The following TANC2 variants were observed in gnomAD, a reference collection of about 807,000 sequenced individuals.
TANC2 encodes the protein tetratricopeptide repeat, ankyrin repeat and coiled-coil containing 2.
A neutral mutation model predicts 210.5 loss-of-function variants in TANC2; 26 were observed. That is an observed-to-expected ratio of 0.12 (90% confidence interval 0.09 to 0.17). The LOEUF is 0.17. TANC2 is among the 10% of genes least tolerant of loss of function. TANC2 has a pLI of 1.00. For missense variants in TANC2, 2,129 were observed against 2,608.9 expected (o/e 0.82, Z 4.01); for synonymous variants, 931 against 967.1 (o/e 0.96, Z 0.69).
chr17:63,421,636 T>G lies in TANC2; in HGVS notation c.5906T>G (p.Leu1969Arg). The change falls in exon 28 of 28, where the codon CTG becomes CGG. Residue 1969 changes from leucine (L) to arginine (R), a missense_variant. Transcript: ENST00000689528. The surrounding 1 kb of genome is among the most constrained non-coding windows in gnomAD (Gnocchi z 6.9). ...CTCAGTCCCACGTCTCCAGGCAACC[T>G]GCCTCAGCCTGAGTCCTTCAGTCCA... 1 of 1,614,048 alleles carries G rather than the reference T, an allele frequency of 6.2e-7. No homozygotes were observed. Among genetic ancestry groups the G allele is most frequent in the East Asian group, 2.2e-5 (1 of 44,886 alleles).
At chr17:62,988,296 T>A (rs796995016) in intron 1 of TANC2, among the ~76,000 whole-genome samples, 1 of 27,334 alleles carries the variant, frequency 3.7e-5, no homozygotes, top group African/African-American at 8.9e-4. Flanking sequence ...CCTGGCTAAC[T>A]TTTTTTTTTT....
chr17:63,075,035 A>C (rs1335389488), intron 3 of TANC2, among the ~76,000 whole-genome samples: 1 of 152,188 alleles, frequency 6.6e-6, no homozygotes, highest in East Asian at 1.9e-4. Flanking sequence ...TGCAGATTAA[A>C]AAGAGGAATA....
At chr17:63,272,304 G>A (rs916210941) in intron 9 of TANC2, among the ~76,000 whole-genome samples, 12 of 151,976 alleles carry the variant, frequency 7.9e-5, no homozygotes, top group East Asian at 3.9e-4. Context: ...TATTATGTTC[G>A]GTTGGTCTAT....
At chr17:63,226,089 C>G (rs9890404) in intron 7 of TANC2, among the ~76,000 whole-genome samples, 4,315 of 152,244 alleles carry the variant, frequency 0.028, 60 homozygotes, top group South Asian at 0.038. Flanking sequence ...TCACAAATTA[C>G]TGTGTCACAA....
At chr17:63,091,052 GTTGT>G (rs1380784737) in intron 3 of TANC2, among the ~76,000 whole-genome samples, 34 of 150,492 alleles carry the variant, frequency 2.3e-4, no homozygotes, top group Admixed American at 7.2e-4. Context: ...TGTTGATGGG[GTTGT>G]TTGTTTTTTT....
chr17:63,288,147 A>G (rs1449192110), intron 9 of TANC2, among the ~76,000 whole-genome samples: 5 of 152,130 alleles, frequency 3.3e-5, no homozygotes, highest in African/African-American at 9.7e-5. Context: ...TCAAGGGTTA[A>G]TTTCCACAGA....
At chr17:63,172,325 GCGCCCGC>G (rs2040432417) in intron 5 of TANC2, among the ~76,000 whole-genome samples, 2 of 151,744 alleles carry the variant, frequency 1.3e-5, no homozygotes, top group African/African-American at 4.8e-5. Context: ...GGGATTACAG[GCGCCCGC>G]CACCATTCCC....
Position 63,161,952 on chromosome 17 carries a change from G to A in TANC2, c.433+10572G>A, listed in dbSNP as rs190288435. ...ACTTTGCATTGACACTATTAAAATT[G>A]CAACCTGCAGGTTACTGACAATCTT... On this transcript the variant is annotated intron_variant, in intron 5 of 27. Coordinates refer to ENST00000689528, the Ensembl canonical transcript of TANC2. Among the ~76,000 whole-genome samples the A allele has an allele frequency of 6.6e-5, 10 of 152,182 alleles. No homozygotes were observed. The East Asian group carries it at 1.9e-3, about 29-fold the overall frequency.
At chr17:63,061,810 C>T (rs2036008015) in intron 2 of TANC2, among the ~76,000 whole-genome samples, 1 of 152,036 alleles carries the variant, frequency 6.6e-6, no homozygotes, top group Non-Finnish European at 1.5e-5. Context: ...TCCCTTTCTT[C>T]TCTTTATTTG....
chr17:63,028,506 T>C (rs1043128133), intron 2 of TANC2, among the ~76,000 whole-genome samples: 1 of 152,100 alleles, frequency 6.6e-6, no homozygotes, highest in East Asian at 1.9e-4. Flanking sequence ...CAGTTAATCA[T>C]GGAGAAATGG....
chr17:63,000,376 C>G (rs1311075899), intron 1 of TANC2, among the ~76,000 whole-genome samples: 1 of 151,850 alleles, frequency 6.6e-6, no homozygotes, highest in Non-Finnish European at 1.5e-5. Context: ...TTTTTTTAAA[C>G]AACAGGATAA....
intron 5 of TANC2, among the ~76,000 whole-genome samples, chr17:63,158,073 T>C (rs914535848): frequency 5.3e-5 from 8 of 152,092 alleles, no homozygotes; most frequent in African/African-American, 1.9e-4. Flanking sequence ...AAATACTAAG[T>C]TGTGTTGTGT....
chr17:63,427,002 C>T (rs1048585907), exon 28 of TANC2: 11 of 151,850 alleles, frequency 7.2e-5, no homozygotes, highest in Admixed American at 1.3e-4. Context: ...TAAGAGATGC[C>T]GGCTCCAGAT....
rs556765389 is a variant in TANC2 at position 63,100,974 on chromosome 17, C to G, written c.322+1617C>G. On this transcript the variant is annotated intron_variant, in intron 4 of 27. Transcript: ENST00000689528. ...CATAGTTTAATTTACTGAAGACTAT[C>G]AAAGGCCTAGCAATTTAATGATTAA... Among the ~76,000 whole-genome samples the G allele has an allele frequency of 2.6e-5, 4 of 152,194 alleles. No individual in the cohort carries two copies. The South Asian group carries it at 8.3e-4, about 32-fold the overall frequency.
chr17:63,416,011 C>T (rs1416331622), intron 26 of TANC2, among the ~76,000 whole-genome samples: 1 of 152,158 alleles, frequency 6.6e-6, no homozygotes, highest in Non-Finnish European at 1.5e-5. Context: ...ACTAGAATTC[C>T]AGTTGCAATT....
At chr17:63,053,423 C>T (rs2035654225) in intron 2 of TANC2, among the ~76,000 whole-genome samples, 1 of 152,216 alleles carries the variant, frequency 6.6e-6, no homozygotes, top group Non-Finnish European at 1.5e-5. Flanking sequence ...CTTTTCCACT[C>T]CATAAAACCC....
At chr17:63,015,331 T>C (rs1400014414) in intron 2 of TANC2, among the ~76,000 whole-genome samples, 1 of 152,208 alleles carries the variant, frequency 6.6e-6, no homozygotes, top group African/African-American at 2.4e-5. Context: ...TTATTTATTT[T>C]TTATTCTTTA....
At chr17:63,272,963 T>G (rs1448628867) in intron 9 of TANC2, among the ~76,000 whole-genome samples, 4 of 151,532 alleles carry the variant, frequency 2.6e-5, no homozygotes, top group African/African-American at 7.2e-5. Context: ...TCAAACTTTT[T>G]GGTCCCGGGA....
intron 5 of TANC2, among the ~76,000 whole-genome samples, chr17:63,193,040 C>T (rs1441950248): frequency 6.6e-6 from 1 of 152,042 alleles, no homozygotes; most frequent in Admixed American, 6.5e-5. Flanking sequence ...GTTAGTTTAA[C>T]CTTTAGGAGG....
Sources: gnomAD v4.1 joint callset for allele counts (sites outside exome capture counted in the v4.1 genomes callset) on GRCh38, gnomAD v4.1.1 for gene constraint, Gnocchi (gnomAD v3.1) non-coding constraint, MANE v1.5 for transcripts, NCBI Gene and HGNC (gene_info 2026-07-23, HGNC 2026-07-21) for gene names.